MTMR3: variants seen among roughly 807,000 people sequenced by gnomAD.
MTMR3 encodes the protein myotubularin related protein 3.
MTMR3 carries 32 observed loss-of-function variants against 132.4 expected under a neutral mutation model. That is an observed-to-expected ratio of 0.24 (90% CI 0.18 to 0.32). The LOEUF is 0.32. Ranked by LOEUF, MTMR3 falls within the 10% of genes least tolerant of loss-of-function variation. MTMR3 has a pLI of 1.00. For synonymous variants in MTMR3, 556 were observed against 550.3 expected (o/e 1.01, Z -0.14); for missense variants, 1,216 against 1,489.6 (o/e 0.82, Z 3.02).
chr22:30,025,329 A>G (rs2067887669), intron 19 of MTMR3: 5 of 400,250 alleles, frequency 1.2e-5, no homozygotes, highest in South Asian at 1.2e-4. Context: ...TGTTAGGACC[A>G]TGTATTCTTA....
rs1405482130 is a variant in MTMR3 at position 30,020,526 on chromosome 22, G to T, written c.2867G>T (p.Gly956Val). ...CTCCAGATGTACCCCACACCCAATG[G>T]GCATTGCGCCAATGGGGAGGCTGGT... ...STLQMYPTPN[G>V]HCANGEAGRS... The change falls in exon 17 of 20, where the codon GGG becomes GTG. Residue 956 changes from glycine (G) to valine (V), a missense_variant. Coordinates refer to ENST00000401950, the MANE Select transcript of MTMR3 (RefSeq NM_021090.4). The T allele has an allele frequency of 6.2e-7, 1 of 1,614,172 alleles. No individual in the cohort carries two copies. The highest frequency in any genetic ancestry group is 2.2e-5 in the East Asian group (1 of 44,872).
intron 1 of MTMR3, among the ~76,000 whole-genome samples, chr22:29,920,914 T>C (rs2065397844): frequency 1.4e-5 from 2 of 144,666 alleles, no homozygotes; most frequent in African/African-American, 4.9e-5. Context: ...CTAAAGACTT[T>C]TAAAAAGCTT....
In MTMR3 at chr22:29,890,491, C is replaced by T. The variant is rs190935629; in HGVS notation, c.-138+7132C>T. Among the ~76,000 whole-genome samples, 25 of 151,958 alleles carry T rather than the reference C, an allele frequency of 1.6e-4. No homozygotes were observed. In the East Asian group the frequency reaches 3.3e-3, roughly 20 times the overall value. On this transcript the variant is annotated intron_variant, in intron 1 of 19. Transcript: ENST00000401950. ...CGAGATTAAGCTGCTGCACTCTAGC[C>T]TGGGCCACAGAGTGAGACTCAGTCT...
chr22:29,911,874 G>A (rs1430552567), intron 1 of MTMR3, among the ~76,000 whole-genome samples: 1 of 152,136 alleles, frequency 6.6e-6, no homozygotes, highest in African/African-American at 2.4e-5. Context: ...ATACAGTGTA[G>A]AAGTTTCCCT....
At chr22:29,936,987 A>G (rs1014482735) in intron 1 of MTMR3, among the ~76,000 whole-genome samples, 2 of 152,194 alleles carry the variant, frequency 1.3e-5, no homozygotes, top group African/African-American at 2.4e-5. Flanking sequence ...AGTTTTAGAT[A>G]TAAAGGCTTA....
chr22:29,906,711 G>A (rs1382500161), intron 1 of MTMR3, among the ~76,000 whole-genome samples: 1 of 152,076 alleles, frequency 6.6e-6, no homozygotes, highest in Non-Finnish European at 1.5e-5. Context: ...TTTCATTCCT[G>A]TACTGTGGAA....
At chr22:29,917,546 A>AACT (rs1361140520) in intron 1 of MTMR3, among the ~76,000 whole-genome samples, 1 of 152,222 alleles carries the variant, frequency 6.6e-6, no homozygotes, top group Non-Finnish European at 1.5e-5. Flanking sequence ...CATACCTAGT[A>AACT]TGTTTTCTAA....
At chr22:29,982,294 A>G (rs2066765320) in intron 5 of MTMR3, 1 of 151,548 alleles carries the variant, frequency 6.6e-6, no homozygotes, top group Non-Finnish European at 1.5e-5. Context: ...TAATTTCATC[A>G]CAGCTAGTGC....
intron 19 of MTMR3, chr22:30,023,731 G>A: frequency 1.9e-6 from 1 of 522,106 alleles, no homozygotes; most frequent in Non-Finnish European, 3.4e-6. Context: ...CTTGTGACGA[G>A]AAGTAGTGCT....
chr22:30,007,414 T>C (rs1017337225), intron 10 of MTMR3, 95 bp downstream of exon 10: 2 of 1,235,074 alleles, frequency 1.6e-6, no homozygotes, highest in East Asian at 2.5e-5. Context: ...AGATTTACTT[T>C]TATAGAAGTG....
At chr22:29,997,031 C>G (rs184866487) in intron 7 of MTMR3, 1 of 152,384 alleles carries the variant, frequency 6.6e-6, no homozygotes, top group East Asian at 1.9e-4. Flanking sequence ...GGCACCGCGT[C>G]TGGCCTAGTA....
rs534817763 is a variant in MTMR3, at chr22:29,883,703, C to T, written c.-138+344C>T. ...GTGTGGGACGTACCCTCGGAGCGCCCGGAGTTATTCCCACGAACTCCCGGG... is the reference window on the plus strand; with the variant it reads ...GTGTGGGACGTACCCTCGGAGCGCCTGGAGTTATTCCCACGAACTCCCGGG... On this transcript the variant is annotated intron_variant, in intron 1 of 19. Transcript: ENST00000401950. 9.9e-4 allele frequency among the ~76,000 whole-genome samples: 151 copies of T among 152,294 alleles called. 1 individual carries two copies. The highest frequency in any genetic ancestry group is 3.4e-3 in the Middle Eastern group (1 of 294).
chr22:29,966,742 T>C (rs201795098), intron 2 of MTMR3, among the ~76,000 whole-genome samples: 67 of 106,338 alleles, frequency 6.3e-4, no homozygotes, highest in South Asian at 5.5e-3. Context: ...TGTGTGTGTG[T>C]GTGTGTGTGT....
chr22:29,904,069 T>A (rs1224157913), intron 1 of MTMR3, among the ~76,000 whole-genome samples: 1 of 152,206 alleles, frequency 6.6e-6, no homozygotes, highest in Non-Finnish European at 1.5e-5. Context: ...GGCTCTATGA[T>A]GTGGACAAGA....
At chr22:29,888,437 G>A (rs754927692) in intron 1 of MTMR3, among the ~76,000 whole-genome samples, 2 of 152,098 alleles carry the variant, frequency 1.3e-5, no homozygotes, top group Non-Finnish European at 2.9e-5. Flanking sequence ...TAGAATGACT[G>A]TCTATAAAAT....
chr22:29,935,016 A>G lies in MTMR3; in HGVS notation c.-137-22020A>G, dbSNP rs114919940. On this transcript the variant is annotated intron_variant, in intron 1 of 19. Transcript: ENST00000401950. ...TTAAGCAGAGCTTTGTGTGTAATAT[A>G]TTTTAACTATAGGTGTCTTGTGAAT... is the stretch of plus-strand genomic sequence containing the variant. Among the ~76,000 whole-genome samples the G allele has an allele frequency of 4.5e-3, 683 of 152,328 alleles. 6 individuals are homozygous for G. Among genetic ancestry groups the G allele is most frequent in the African/African-American group, 0.016 (645 of 41,576 alleles).
At chr22:29,896,898 C>T (rs1192622979) in intron 1 of MTMR3, among the ~76,000 whole-genome samples, 10 of 151,180 alleles carry the variant, frequency 6.6e-5, no homozygotes, top group African/African-American at 2.2e-4. Context: ...CACACACACA[C>T]ACACATACAC....
intron 1 of MTMR3, among the ~76,000 whole-genome samples, chr22:29,885,124 A>G (rs1380342132): frequency 1.1e-4 from 16 of 152,178 alleles, no homozygotes; most frequent in Non-Finnish European, 1.8e-4. Context: ...AAGGCTGGTC[A>G]TTAGAAATAT....
intron 1 of MTMR3, among the ~76,000 whole-genome samples, chr22:29,948,845 C>A (rs1167453150): frequency 6.6e-6 from 1 of 150,808 alleles, no homozygotes; most frequent in African/African-American, 2.4e-5. Context: ...TGACTCATGC[C>A]TGTAATTCCA....
Sources: allele counts gnomAD v4.1 joint callset (sites outside exome capture counted in the v4.1 genomes callset), GRCh38; gene constraint gnomAD v4.1.1; transcripts MANE v1.5; gene names NCBI Gene and HGNC (gene_info 2026-07-23, HGNC 2026-07-21).